CHRM5: variants seen among roughly 807,000 people sequenced by gnomAD.
The protein encoded by CHRM5 is cholinergic receptor muscarinic 5.
CHRM5 carries 18 observed loss-of-function variants against 39.0 expected under a neutral mutation model. The ratio of observed to expected loss-of-function variants is 0.46; its 90% CI spans 0.32 to 0.68. The LOEUF (loss-of-function observed/expected upper bound fraction) is 0.68, where lower values mean the gene tolerates loss of function less well. CHRM5 is among the 30% of genes least tolerant of loss of function. The pLI, the probability that CHRM5 is intolerant of heterozygous loss-of-function variation, is 0.04. For synonymous variants in CHRM5, 241 were observed against 246.3 expected, an observed-to-expected ratio of 0.98 and a Z score of 0.20; for missense variants, 515 against 651.1, an observed-to-expected ratio of 0.79 and a Z score of 2.28.
rs548590642 is a variant in CHRM5, at chr15:33,994,396, T to A, written c.-408+25246T>A. Among the ~76,000 whole-genome samples, 19 of 152,284 alleles carry A rather than the reference T, an allele frequency of 1.2e-4. No individual in the cohort carries two copies. The South Asian group carries it at 3.9e-3, about 32-fold the overall frequency. On this transcript the variant is annotated intron_variant, in intron 1 of 2. Coordinates refer to ENST00000383263, the MANE Select transcript of CHRM5 (RefSeq NM_012125.4). ...AAACAAGCTTAGGACTCCCATTGAG[T>A]CTACATTATGGTGAGTTGTATAATT...
intron 1 of CHRM5, among the ~76,000 whole-genome samples, chr15:34,013,458 T>C (rs80142722): frequency 0.014 from 2,134 of 152,334 alleles, 56 homozygotes; most frequent in African/African-American, 0.045. Flanking sequence ...GTGGCACTTA[T>C]TGTTACATTT....
intron 1 of CHRM5, among the ~76,000 whole-genome samples, chr15:34,010,715 C>T (rs1417093260): frequency 6.6e-6 from 1 of 152,124 alleles, no homozygotes; most frequent in Admixed American, 6.5e-5. Context: ...TCACCAAAAA[C>T]TAATCACAGT....
chr15:34,057,288 C>T (rs1331955096), intron 2 of CHRM5, among the ~76,000 whole-genome samples: 2 of 141,834 alleles, frequency 1.4e-5, no homozygotes, highest in Admixed American at 7.5e-5. Flanking sequence ...AGGCACATGC[C>T]ACCACGCCCA....
chr15:34,052,289 AT>A (rs1324587305), intron 2 of CHRM5, among the ~76,000 whole-genome samples: 1 of 152,226 alleles, frequency 6.6e-6, no homozygotes, highest in Non-Finnish European at 1.5e-5. Flanking sequence ...CTTTGAAAAA[AT>A]TTAAATCCCT....
intron 1 of CHRM5, among the ~76,000 whole-genome samples, chr15:34,026,902 C>T (rs935557499): frequency 2.0e-5 from 3 of 152,034 alleles, no homozygotes; most frequent in Admixed American, 1.3e-4. Flanking sequence ...CTGTGGCCTA[C>T]GTATAATAGA....
intron 1 of CHRM5, among the ~76,000 whole-genome samples, chr15:33,986,526 AAAG>A (rs2140549659): frequency 6.6e-6 from 1 of 152,318 alleles, no homozygotes; most frequent in East Asian, 1.9e-4. Flanking sequence ...AGTAAGAGGT[AAAG>A]AAAGCAAGCT....
intron 1 of CHRM5, chr15:33,991,125 A>ACAAG (rs1414194048): frequency 7.9e-5 from 12 of 152,346 alleles, no homozygotes; most frequent in Non-Finnish European, 1.5e-4. Context: ...AAGATAAAGG[A>ACAAG]CAAGCACTAA....
chr15:34,062,050 A>G (rs948639686), intron 2 of CHRM5, among the ~76,000 whole-genome samples: 4 of 151,586 alleles, frequency 2.6e-5, no homozygotes, highest in Non-Finnish European at 2.9e-5. Flanking sequence ...TCAACAATCC[A>G]TTTTTTTTCC....
intron 1 of CHRM5, among the ~76,000 whole-genome samples, chr15:33,974,686 C>G (rs1271970619): frequency 6.6e-6 from 1 of 152,118 alleles, no homozygotes; most frequent in Non-Finnish European, 1.5e-5. Flanking sequence ...AGATTTTGAG[C>G]TTTGGGCCGG....
chr15:34,063,174 T>C lies in CHRM5; in HGVS notation c.457T>C (p.Leu153=), dbSNP rs1048559519. The C allele has an allele frequency of 4.3e-6, 7 of 1,614,066 alleles. No homozygotes were observed. The African/African-American group carries it at 5.3e-5, about 12-fold the overall frequency. Reference sequence around the variant, plus strand: ...GAAAAGGGCTGGCATCATGATTGGCTTGGCCTGGCTGATCTCCTTCATCCT... The same window carrying C: ...GAAAAGGGCTGGCATCATGATTGGCCTGGCCTGGCTGATCTCCTTCATCCT... ...TPKRAGIMIG[L]AWLISFILWA... is the part of the protein sequence containing the mutation. The change falls in exon 3 of 3, where the codon TTG becomes CTG. Residue 153 remains leucine, a synonymous_variant. Transcript: ENST00000383263. This position sits in a 1 kb window ranked among gnomAD's most constrained non-coding sequence, Gnocchi z 4.1.
At chr15:34,003,171 C>T (rs1897205143) in intron 1 of CHRM5, 1 of 1,613,740 alleles carries the variant, frequency 6.2e-7, no homozygotes. Context: ...GTTCATCATT[C>T]TCTTCTCCAT....
At chr15:33,996,327 T>C (rs192101333) in intron 1 of CHRM5, among the ~76,000 whole-genome samples, 177 of 152,298 alleles carry the variant, frequency 1.2e-3, no homozygotes, top group Admixed American at 2.9e-3. Context: ...AAGAGAGGTG[T>C]GGTTCTCCCA....
chr15:34,059,607 A>G (rs1464026568), intron 2 of CHRM5, among the ~76,000 whole-genome samples: 1 of 152,102 alleles, frequency 6.6e-6, no homozygotes, highest in Non-Finnish European at 1.5e-5. Context: ...CTTTGGCTCC[A>G]GCTACCTTGT....
rs1349533670 is a variant in CHRM5 at position 34,063,920 on chromosome 15, A to C, written c.1203A>C (p.Lys401Asn). The C allele has an allele frequency of 3.7e-6, 6 of 1,614,044 alleles. No homozygotes were observed. Among genetic ancestry groups the C allele is most frequent in the Non-Finnish European group, 4.2e-6 (5 of 1,180,038 alleles). Residue 401 changes from lysine (K) to asparagine (N), a missense_variant, in exon 3 of 3, where the codon AAA (lysine) becomes AAC (asparagine). Coordinates refer to ENST00000383263, the MANE Select transcript of CHRM5 (RefSeq NM_012125.4). This position sits in a 1 kb window ranked among gnomAD's most constrained non-coding sequence, Gnocchi z 4.1. ...CCAACAATGGCTGTCACAAGGTGAA[A>C]ATCATGCCCTGCCCCTTCCCAGTGG... ...QETNNGCHKV[K>N]IMPCPFPVAK...
At chr15:34,012,003 G>A (rs900536462) in intron 1 of CHRM5, among the ~76,000 whole-genome samples, 3 of 152,130 alleles carry the variant, frequency 2.0e-5, no homozygotes, top group African/African-American at 7.2e-5. Context: ...GGGGGAAATG[G>A]CAATAGAATC....
intron 1 of CHRM5, among the ~76,000 whole-genome samples, chr15:34,001,183 G>A (rs929255539): frequency 5.3e-5 from 8 of 151,944 alleles, no homozygotes; most frequent in Non-Finnish European, 1.0e-4. Context: ...ACCACGCCCA[G>A]CTAATTTTTT....
chr15:34,038,976 C>G, intron 1 of CHRM5: 1 of 1,112,498 alleles, frequency 9.0e-7, no homozygotes, highest in Non-Finnish European at 1.1e-6. Flanking sequence ...CTCGCTGTGG[C>G]GATCTCCGCC....
At chr15:34,049,205 A>G (rs373803295) in intron 2 of CHRM5, among the ~76,000 whole-genome samples, 10 of 152,344 alleles carry the variant, frequency 6.6e-5, no homozygotes, top group African/African-American at 2.4e-4. Flanking sequence ...TGAAGCTGAG[A>G]TGGCTGAATT....
rs1899186792 is a variant in CHRM5, at chr15:34,037,272, A to AT, written c.-407-9266dup. ...TAACACCAAATGTACCATTACTACAATTACTCTTAAAGCACGATCCCTGCA... is the reference window on the plus strand; with the variant it reads ...TAACACCAAATGTACCATTACTACAATTTACTCTTAAAGCACGATCCCTGCA... On this transcript the variant is annotated intron_variant, in intron 1 of 2. Coordinates refer to ENST00000383263, the MANE Select transcript of CHRM5 (RefSeq NM_012125.4). 4.6e-5 allele frequency among the ~76,000 whole-genome samples: 7 copies of AT among 152,160 alleles called. No individual in the cohort carries two copies. The South Asian group carries it at 1.5e-3, about 32-fold the overall frequency.
Sources: allele counts gnomAD v4.1 joint callset (sites outside exome capture counted in the v4.1 genomes callset), GRCh38; gene constraint gnomAD v4.1.1; non-coding constraint Gnocchi (gnomAD v3.1); transcripts MANE v1.5; gene names NCBI Gene and HGNC (gene_info 2026-07-23, HGNC 2026-07-21).